The following DAAM1 variants were observed in gnomAD, a reference collection of about 807,000 sequenced individuals.
DAAM1 encodes the protein disheveled-associated activator of morphogenesis 1.
In DAAM1, 52 loss-of-function variants were observed where a neutral mutation model predicts 130.0. That is an observed-to-expected ratio of 0.40 (90% CI 0.32 to 0.50). The LOEUF (loss-of-function observed/expected upper bound fraction) is 0.50. Among genes scored for constraint, DAAM1 ranks in the 20% least tolerant of loss-of-function variants. The pLI is 0.61. For missense variants in DAAM1, 1,134 were observed against 1,303.8 expected, an observed-to-expected ratio of 0.87 and a Z score of 2.01; for synonymous variants, 452 against 444.5, an observed-to-expected ratio of 1.02 and a Z score of -0.21.
At chr14:59,211,508 G>A (rs1442928040) in intron 1 of DAAM1, among the ~76,000 whole-genome samples, 1 of 152,200 alleles carries the variant, frequency 6.6e-6, no homozygotes, top group Non-Finnish European at 1.5e-5. Flanking sequence ...AGTCACATTT[G>A]TCTTCTCCCA....
chr14:59,354,429 G>GT (rs780289188), intron 19 of DAAM1, among the ~76,000 whole-genome samples: 2 of 152,014 alleles, frequency 1.3e-5, no homozygotes, highest in Non-Finnish European at 2.9e-5. Context: ...ATTACTTAAG[G>GT]TCAGTGCTTG....
At chr14:59,216,459 G>T (rs868765010) in intron 1 of DAAM1, among the ~76,000 whole-genome samples, 1 of 152,198 alleles carries the variant, frequency 6.6e-6, no homozygotes, top group African/African-American at 2.4e-5. Context: ...AGTGGCTCAT[G>T]CCTGTAATAC....
chr14:59,199,666 C>T (rs1888037407), intron 1 of DAAM1, among the ~76,000 whole-genome samples: 1 of 152,188 alleles, frequency 6.6e-6, no homozygotes, highest in South Asian at 2.1e-4. Context: ...GGATGAATGT[C>T]TCTTCAAAGG....
intron 20 of DAAM1, among the ~76,000 whole-genome samples, chr14:59,358,016 A>G (rs989129675): frequency 1.3e-5 from 2 of 152,228 alleles, no homozygotes; most frequent in Non-Finnish European, 2.9e-5. Flanking sequence ...GGGGTTTAGC[A>G]TTGTGAATTA....
chr14:59,289,331 C>T (rs1883613411), intron 2 of DAAM1, among the ~76,000 whole-genome samples: 1 of 152,168 alleles, frequency 6.6e-6, no homozygotes, highest in African/African-American at 2.4e-5. Flanking sequence ...CCTCCCCTGA[C>T]ACATGGGGAT....
intron 17 of DAAM1, among the ~76,000 whole-genome samples, chr14:59,352,017 G>A (rs962898231): frequency 6.6e-6 from 1 of 152,084 alleles, no homozygotes; most frequent in Non-Finnish European, 1.5e-5. Flanking sequence ...GATTGAATTA[G>A]ATAAACCAGA....
chr14:59,255,317 G>A (rs1269214892), intron 1 of DAAM1, among the ~76,000 whole-genome samples: 1 of 152,128 alleles, frequency 6.6e-6, no homozygotes, highest in East Asian at 1.9e-4. Flanking sequence ...TGGAGAGGAT[G>A]TTGAAACCTG....
At chr14:59,220,080 T>G (rs548008826) in intron 1 of DAAM1, among the ~76,000 whole-genome samples, 5 of 152,334 alleles carry the variant, frequency 3.3e-5, no homozygotes, top group African/African-American at 7.2e-5. Flanking sequence ...AAAGTGTTGT[T>G]TTGGTTTCAG....
intron 15 of DAAM1, among the ~76,000 whole-genome samples, chr14:59,335,661 TTTGC>T (rs1369829198): frequency 2.0e-5 from 3 of 152,076 alleles, no homozygotes; most frequent in Non-Finnish European, 2.9e-5. Flanking sequence ...CCCCCTGATC[TTTGC>T]TTGAGGACAG....
At chr14:59,281,494 C>T (rs1883218508) in intron 2 of DAAM1, among the ~76,000 whole-genome samples, 1 of 151,478 alleles carries the variant, frequency 6.6e-6, no homozygotes, top group African/African-American at 2.4e-5. Flanking sequence ...AATTAACCTG[C>T]TTTTTGGATA....
rs569135316 is a variant in DAAM1, at chr14:59,354,381, T to G, written c.2356+417T>G. Among the ~76,000 whole-genome samples, 3 of 152,266 alleles carry G rather than the reference T, an allele frequency of 2.0e-5. No homozygotes were observed. In the East Asian group the frequency reaches 5.8e-4, roughly 29 times the overall value. ...GGCCTGGTGATTTTTTATTTTATTT[T>G]TTGGCTCAAGGTCTTTCTTTTAAAA... is the stretch of plus-strand genomic sequence containing the variant. On this transcript the variant is annotated intron_variant, in intron 19 of 24. Transcript: ENST00000360909.
intron 3 of DAAM1, among the ~76,000 whole-genome samples, chr14:59,302,390 G>A (rs144958135): frequency 2.0e-5 from 3 of 152,344 alleles, no homozygotes; most frequent in Non-Finnish European, 4.4e-5. Flanking sequence ...TTAATGGGGA[G>A]TCATGGGGAG....
chr14:59,295,620 C>T (rs1311512130), intron 3 of DAAM1, among the ~76,000 whole-genome samples: 1 of 152,132 alleles, frequency 6.6e-6, no homozygotes, highest in Non-Finnish European at 1.5e-5. Flanking sequence ...GCTGGAGAGG[C>T]AGTAGCTTGA....
intron 1 of DAAM1, among the ~76,000 whole-genome samples, chr14:59,210,670 T>C (rs1888400384): frequency 6.6e-6 from 1 of 152,234 alleles, no homozygotes; most frequent in Non-Finnish European, 1.5e-5. Context: ...TCTGTCATTT[T>C]CTTGCCAGTT....
rs1453259405 is a variant in DAAM1, at chr14:59,355,147, A to G, written c.2357-18A>G. ...CGAAACACTTGGTAATCATGTTTTT[A>G]TGTGTTTTGTTTTGAAGCAATTCGT... On this transcript the variant is annotated intron_variant, in intron 19 of 24. Coordinates refer to ENST00000360909, the MANE Select transcript of DAAM1 (RefSeq NM_001270520.2). 9 of 1,599,164 alleles carry G rather than the reference A, an allele frequency of 5.6e-6. No homozygotes were observed. Among genetic ancestry groups the G allele is most frequent in the Admixed American group, 5.3e-5 (3 of 56,874 alleles).
intron 16 of DAAM1, among the ~76,000 whole-genome samples, chr14:59,345,650 T>C (rs1886044517): frequency 6.6e-6 from 1 of 152,226 alleles, no homozygotes. Flanking sequence ...GGGGCTTCTC[T>C]TCTTTGCTGC....
At chr14:59,360,278 A>C (rs1343982973) in intron 21 of DAAM1, among the ~76,000 whole-genome samples, 1 of 152,270 alleles carries the variant, frequency 6.6e-6, no homozygotes, top group Non-Finnish European at 1.5e-5. Context: ...ATTAAAAAAA[A>C]GATGAAAATA....
intron 10 of DAAM1, among the ~76,000 whole-genome samples, 186 bp from the exon 11 acceptor site, chr14:59,326,324 G>A (rs1885201600): frequency 1.3e-5 from 2 of 152,152 alleles, no homozygotes; most frequent in South Asian, 4.1e-4. Context: ...GAAAGGGGTA[G>A]AGGGTACCTC....
intron 1 of DAAM1, among the ~76,000 whole-genome samples, chr14:59,214,012 T>TATC (rs2139415906): frequency 6.6e-6 from 1 of 152,372 alleles, no homozygotes; most frequent in Non-Finnish European, 1.5e-5. Flanking sequence ...ATCAGGCAGA[T>TATC]ATCACACTTA....
Sources: gnomAD v4.1 joint callset for allele counts (sites outside exome capture counted in the v4.1 genomes callset) on GRCh38, gnomAD v4.1.1 for gene constraint, MANE v1.5 for transcripts, NCBI Gene and HGNC (gene_info 2026-07-23, HGNC 2026-07-21) for gene names.